The following ANKAR variants were observed in gnomAD, a reference collection of about 807,000 sequenced individuals.
The protein encoded by ANKAR is ankyrin and armadillo repeat containing.
In ANKAR, 136 loss-of-function variants were observed where a neutral mutation model predicts 146.2. The ratio of observed to expected loss-of-function variants is 0.93; its 90% CI spans 0.81 to 1.07. The LOEUF is 1.07. ANKAR is among the 50% of genes least tolerant of loss of function. The pLI, the probability that ANKAR is intolerant of heterozygous loss-of-function variation, is 0.00. For missense variants in ANKAR, 1,567 were observed against 1,679.9 expected (o/e 0.93, Z 1.18); for synonymous variants, 500 against 575.8 (o/e 0.87, Z 1.88).
intron 2 of ANKAR, among the ~76,000 whole-genome samples, chr2:189,681,855 T>C (rs1315995972): frequency 6.6e-6 from 1 of 152,240 alleles, no homozygotes; most frequent in Admixed American, 6.5e-5. Context: ...TTTCCTGATA[T>C]GAAACTTATG....
chr2:189,748,359 T>C (rs2105936112), downstream of ANKAR, among the ~76,000 whole-genome samples: 1 of 152,222 alleles, frequency 6.6e-6, no homozygotes, highest in East Asian at 1.9e-4. Context: ...TCTCAGTCTT[T>C]GTTATGCTGA....
intron 18 of ANKAR, chr2:189,755,206 A>G (rs1371924288): frequency 1.2e-6 from 2 of 1,611,796 alleles, no homozygotes; most frequent in Non-Finnish European, 1.7e-6. Flanking sequence ...CTATGTCCAA[A>G]GACTTTCCAA....
At chr2:189,712,823 T>C (rs913645842) in intron 10 of ANKAR, among the ~76,000 whole-genome samples, 2 of 152,152 alleles carry the variant, frequency 1.3e-5, no homozygotes, top group African/African-American at 4.8e-5. Flanking sequence ...AACAAACTTC[T>C]CTGAGCTAAA....
In ANKAR at chr2:189,685,447, G is replaced by A. The variant is rs536296152; in HGVS notation, c.602-4080G>A. ...TTTTTTCCTTAGAGATGTCTCTCTT[G>A]ATAACTTCATCCTCTTCCTTTTGTC... On this transcript the variant is annotated intron_variant, in intron 2 of 22. Coordinates refer to ENST00000684021, the MANE Select transcript of ANKAR (RefSeq NM_001378068.1). Among the ~76,000 whole-genome samples the A allele has an allele frequency of 3.3e-5, 5 of 152,186 alleles. No individual in the cohort carries two copies. In the South Asian group the frequency reaches 1.0e-3, roughly 32 times the overall value.
intron 22 of ANKAR, among the ~76,000 whole-genome samples, chr2:189,745,642 C>T (rs1391121083): frequency 3.3e-5 from 5 of 152,082 alleles, no homozygotes; most frequent in South Asian, 2.1e-4. Context: ...AGTGCTTGTT[C>T]GTGTAGGACC....
In ANKAR at chr2:189,728,086, A is replaced by C. The variant is rs1180910947; in HGVS notation, c.2866A>C (p.Lys956Gln). Residue 956 changes from lysine to glutamine, a missense_variant, in exon 13 of 23, where the codon AAA (lysine) becomes CAA (glutamine). Transcript: ENST00000684021. ...LEKSLTKYLL[K>Q]LLKAFQIDVK... ...AAAATCGTTAACTAAATATCTTTTA[A>C]AACTCCTAAAGGTAGGAATTTTATG... 1.2e-6 allele frequency: 2 copies of C among 1,610,740 alleles called. No homozygotes were observed. Among genetic ancestry groups the C allele is most frequent in the African/African-American group, 1.3e-5 (1 of 74,788 alleles).
At chr2:189,701,120 T>G (rs1362957980) in intron 7 of ANKAR, among the ~76,000 whole-genome samples, 1 of 152,260 alleles carries the variant, frequency 6.6e-6, no homozygotes, top group Non-Finnish European at 1.5e-5. Flanking sequence ...AATCTGTGGT[T>G]TGATATGTCA....
chr2:189,706,471 C>G (rs937984723), intron 8 of ANKAR, among the ~76,000 whole-genome samples: 1 of 152,072 alleles, frequency 6.6e-6, no homozygotes, highest in Non-Finnish European at 1.5e-5. Flanking sequence ...TCTTTACTAT[C>G]TAAAAATCAG....
intron 10 of ANKAR, among the ~76,000 whole-genome samples, chr2:189,716,821 C>G (rs76068452): frequency 0.59 from 89,107 of 150,872 alleles, 29,751 homozygotes; most frequent in South Asian, 0.76. Context: ...ACAAACCTGA[C>G]AAAAACAAGC....
At chr2:189,681,295 T>C (rs1217202914) in intron 2 of ANKAR, among the ~76,000 whole-genome samples, 1 of 152,208 alleles carries the variant, frequency 6.6e-6, no homozygotes, top group Admixed American at 6.5e-5. Flanking sequence ...AGAGACCTGA[T>C]CATGGCAGGA....
At chr2:189,745,683 G>A (rs1206935302) in intron 22 of ANKAR, among the ~76,000 whole-genome samples, 1 of 152,086 alleles carries the variant, frequency 6.6e-6, no homozygotes, top group Middle Eastern at 3.2e-3. Context: ...GTCCTATCAC[G>A]AAAATCAAGG....
chr2:189,751,748 G>A (rs2045284612), intron 18 of ANKAR, among the ~76,000 whole-genome samples: 1 of 151,690 alleles, frequency 6.6e-6, no homozygotes, highest in Middle Eastern at 3.2e-3. Flanking sequence ...CCTGGCCAAT[G>A]CTGACAAGTT....
At chr2:189,710,034 C>G (rs1256062639) in intron 9 of ANKAR, among the ~76,000 whole-genome samples, 3 of 152,164 alleles carry the variant, frequency 2.0e-5, no homozygotes, top group Admixed American at 6.5e-5. Context: ...CAATAGCTCT[C>G]CCTCCTCACA....
In ANKAR at chr2:189,693,124, T is replaced by G; in HGVS notation, c.1254T>G (p.Asp418Glu). 1.3e-6 allele frequency: 2 copies of G among 1,561,880 alleles called. No homozygotes were observed. Among genetic ancestry groups the G allele is most frequent in the Non-Finnish European group, 1.7e-6 (2 of 1,153,152 alleles). ...GTGCTGCTAATACATTTATAGAAGA[T>G]TCAGGATATAAAGAATATTACTCAA... ...RDCAANTFIE[D>E]SGYKEYYSIP... Residue 418 changes from aspartate to glutamate, a missense_variant, in exon 5 of 23, where the codon GAT (aspartate) becomes GAG (glutamate). Physicochemically the swap from Asp to Glu is conservative, Grantham distance 45. Coordinates refer to ENST00000684021, the MANE Select transcript of ANKAR (RefSeq NM_001378068.1).
In ANKAR at chr2:189,719,807, C is replaced by A; in HGVS notation, c.2460C>A (p.Ala820=). The A allele has an allele frequency of 6.4e-7, 1 of 1,568,796 alleles. No homozygotes were observed. The highest frequency in any genetic ancestry group is 1.2e-5 in the South Asian group (1 of 86,242). ...IAQCENKDVI[A]KYNGIPSLIN... is the part of the protein sequence containing the mutation. The stretch of plus-strand genomic sequence containing the variant: ...AATGTGAAAACAAGGATGTTATTGC[C>A]AAATATGTAAGTTCCTTTCATATAC... The change falls in exon 11 of 23, where the codon GCC becomes GCA. Residue 820 remains alanine, a synonymous_variant. Coordinates refer to ENST00000684021, the MANE Select transcript of ANKAR (RefSeq NM_001378068.1).
At chr2:189,726,395 C>A (rs1193159805) in intron 12 of ANKAR, among the ~76,000 whole-genome samples, 1 of 152,084 alleles carries the variant, frequency 6.6e-6, no homozygotes, top group Non-Finnish European at 1.5e-5. Context: ...AGTCCTCCCA[C>A]CTTAGCCTAC....
In ANKAR at chr2:189,681,962, A is replaced by G. The variant is rs77188746; in HGVS notation, c.601+4871A>G. 6.4e-3 allele frequency among the ~76,000 whole-genome samples: 973 copies of G among 152,268 alleles called. 9 individuals carry two copies. Among genetic ancestry groups the G allele is most frequent in the African/African-American group, 0.022 (927 of 41,528 alleles). On this transcript the variant is annotated intron_variant, in intron 2 of 22. Coordinates refer to ENST00000684021, the MANE Select transcript of ANKAR (RefSeq NM_001378068.1). ...ACTGTAGTACAGAACACCCTTTTCC[A>G]CTGCAACAGCATTCTGACTGCTCTC...
rs1179199016 is a variant in ANKAR at position 189,728,677 on chromosome 2, G to A, written c.3049G>A (p.Ala1017Thr). 1.9e-6 allele frequency: 3 copies of A among 1,613,836 alleles called. No homozygotes were observed. Among genetic ancestry groups the A allele is most frequent in the Non-Finnish European group, 2.5e-6 (3 of 1,179,836 alleles). Residue 1017 changes from alanine to threonine, a missense_variant, in exon 15 of 23, where the codon GCT (alanine) becomes ACT (threonine). By Grantham distance (58) the Ala-to-Thr change is moderately conservative (BLOSUM62 0). Coordinates refer to ENST00000684021, the MANE Select transcript of ANKAR (RefSeq NM_001378068.1). ...TTTATCAGGAGGTGAAGCTGTCATA[G>A]CTCTAAGTAAGGACAGCAGGATGCA... The part of the protein sequence containing the change: ...MQYVGGEAVI[A>T]LSKDSRMHQN...
At chr2:189,679,210 T>A (rs1170240675) in intron 2 of ANKAR, among the ~76,000 whole-genome samples, 1 of 152,234 alleles carries the variant, frequency 6.6e-6, no homozygotes, top group African/African-American at 2.4e-5. Flanking sequence ...TATTTAATTT[T>A]GTTTTTTGCA....
Sources: allele counts gnomAD v4.1 joint callset (sites outside exome capture counted in the v4.1 genomes callset), GRCh38; gene constraint gnomAD v4.1.1; transcripts MANE v1.5; gene names NCBI Gene and HGNC (gene_info 2026-07-23, HGNC 2026-07-21).